The following CDH23 variants were observed in gnomAD, a reference collection of about 807,000 sequenced individuals.
CDH23 encodes the protein cadherin-23.
CDH23 carries 189 observed loss-of-function variants against 317.1 expected under a neutral mutation model. That is an observed-to-expected ratio of 0.60 (90% CI 0.53 to 0.67). The LOEUF is 0.67. CDH23 is among the 30% of genes least tolerant of loss of function. The pLI, the probability that CDH23 is intolerant of heterozygous loss-of-function variation, is 0.00. For missense variants in CDH23, 4,401 were observed against 4,592.4 expected (o/e 0.96, Z 1.20); for synonymous variants, 1,839 against 1,876.8 (o/e 0.98, Z 0.52).
chr10:71,725,534 C>A lies in CDH23; in HGVS notation c.3579+14C>A. ...AGCTCCGTCAGGGTGAGGCTAGGGG[C>A]GGGCTGGGGTGCTGACCTCAGGACG... On this transcript the variant is annotated intron_variant, in intron 30 of 69. Coordinates refer to ENST00000224721, the MANE Select transcript of CDH23 (RefSeq NM_022124.6). The A allele has an allele frequency of 6.2e-7, 1 of 1,609,378 alleles. No homozygotes were observed. Among genetic ancestry groups the A allele is most frequent in the Non-Finnish European group, 8.5e-7 (1 of 1,177,564 alleles).
intron 38 of CDH23, chr10:71,760,815 TG>T: frequency 6.4e-7 from 1 of 1,553,756 alleles, no homozygotes; most frequent in Admixed American, 1.7e-5. Flanking sequence ...GGGTGCAGGA[TG>T]AGGACAGAAG....
At chr10:71,650,971 T>C (rs945035875) in intron 14 of CDH23, among the ~76,000 whole-genome samples, 2 of 152,220 alleles carry the variant, frequency 1.3e-5, no homozygotes, top group African/African-American at 4.8e-5. Context: ...AAACGTTTGG[T>C]GAATACCTGC....
intron 6 of CDH23, among the ~76,000 whole-genome samples, chr10:71,516,610 G>T (rs956943532): frequency 2.8e-4 from 43 of 152,176 alleles, no homozygotes; most frequent in Non-Finnish European, 3.7e-4. Flanking sequence ...TTTCCTGTGT[G>T]CCCAACACTG....
chr10:71,400,755 T>C (rs1847742010), intron 1 of CDH23, among the ~76,000 whole-genome samples: 1 of 152,288 alleles, frequency 6.6e-6, no homozygotes, highest in South Asian at 2.1e-4. Context: ...GCCGAGATCA[T>C]GCCACTGCAT....
At chr10:71,551,711 A>G (rs964037278) in intron 6 of CDH23, among the ~76,000 whole-genome samples, 1 of 152,142 alleles carries the variant, frequency 6.6e-6, no homozygotes, top group African/African-American at 2.4e-5. Flanking sequence ...TGAGAAGACT[A>G]TCAGACTGAC....
At chr10:71,687,623 G>A in intron 18 of CDH23, 24 bp from the exon 19 acceptor site, 1 of 1,612,712 alleles carries the variant, frequency 6.2e-7, no homozygotes, top group Non-Finnish European at 8.5e-7. Flanking sequence ...GCAGCCTCCT[G>A]CAACCTGTCT....
At chr10:71,718,046 A>T (rs1745374451) in intron 28 of CDH23, 1 of 152,254 alleles carries the variant, frequency 6.6e-6, no homozygotes, top group African/African-American at 2.4e-5. Context: ...GGGGTCTGAT[A>T]AAAAGTCATG....
At chr10:71,644,245 G>A (rs967907797) in intron 12 of CDH23, among the ~76,000 whole-genome samples, 1 of 152,352 alleles carries the variant, frequency 6.6e-6, no homozygotes, top group South Asian at 2.1e-4. Context: ...CTGGACCCCA[G>A]AATTGGCAAG....
chr10:71,537,982 A>G (rs2132279364), intron 6 of CDH23, among the ~76,000 whole-genome samples: 1 of 152,314 alleles, frequency 6.6e-6, no homozygotes, highest in Admixed American at 6.5e-5. Flanking sequence ...CCCTGCACAG[A>G]GTAAAGCTGT....
intron 3 of CDH23, among the ~76,000 whole-genome samples, chr10:71,476,481 G>C (rs753269957): frequency 3.3e-5 from 5 of 152,182 alleles, no homozygotes; most frequent in Non-Finnish European, 7.3e-5. Context: ...TGTGTCCCCA[G>C]CTCCAATTTG....
At chr10:71,788,861 C>T in intron 44 of CDH23, 79 bp from the exon 45 acceptor site, 1 of 761,960 alleles carries the variant, frequency 1.3e-6, no homozygotes, top group Non-Finnish European at 2.4e-6. Context: ...CAATCCCCAA[C>T]CTCCCAACCC....
intron 53 of CDH23, among the ~76,000 whole-genome samples, chr10:71,801,288 G>A (rs1841552889): frequency 6.6e-6 from 1 of 151,388 alleles, no homozygotes; most frequent in African/African-American, 2.4e-5. Context: ...CCAAGTAGCT[G>A]GGATTACAGG....
At position 71,811,398 on chromosome 10, in the gene CDH23, T is replaced by C. The variant is rs1339152454; in HGVS notation, c.9161T>C (p.Ile3054Thr). 6.2e-7 allele frequency: 1 copy of C among 1,613,844 alleles called. No individual in the cohort carries two copies. Among genetic ancestry groups the C allele is most frequent in the Non-Finnish European group, 8.5e-7 (1 of 1,179,894 alleles). Residue 3054 changes from isoleucine (I) to threonine (T), a missense_variant, in exon 63 of 70, where the codon ATC (isoleucine) becomes ACC (threonine). Around this residue, in one of 3 missense-constraint regions of CDH23, gnomAD observed 1,144 missense variants for 1,138.2 expected, o/e 1.01. Transcript: ENST00000224721. ...NYNVLDVQPA[I>T]SVRLPDDMSA... The stretch of plus-strand genomic sequence containing the variant: ...AACGTCCTGGACGTGCAGCCTGCCA[T>C]CTCTGTCCGGCTGCCGGATGACATG...
chr10:71,402,275 C>T (rs774762768), intron 1 of CDH23, among the ~76,000 whole-genome samples: 1 of 152,210 alleles, frequency 6.6e-6, no homozygotes, highest in African/African-American at 2.4e-5. Context: ...AGTGACACAG[C>T]AGGTTCAGTT....
At chr10:71,413,233 C>T (rs1848409685) in intron 1 of CDH23, among the ~76,000 whole-genome samples, 1 of 152,150 alleles carries the variant, frequency 6.6e-6, no homozygotes, top group Non-Finnish European at 1.5e-5. Flanking sequence ...GTTGAAAAAA[C>T]TGTCCTTTCC....
intron 6 of CDH23, 86 bp downstream of exon 6, chr10:71,511,298 G>T: frequency 1.6e-6 from 2 of 1,239,408 alleles, no homozygotes; most frequent in Non-Finnish European, 2.4e-6. Flanking sequence ...GTCAGGTGGG[G>T]AGAGCAGCTG....
intron 6 of CDH23, among the ~76,000 whole-genome samples, chr10:71,518,071 A>G (rs1298111577): frequency 1.0e-4 from 15 of 150,550 alleles, no homozygotes; most frequent in South Asian, 2.1e-4. Flanking sequence ...GTGTGTGTGT[A>G]TGTGTGTGTG....
At chr10:71,531,287 G>A (rs765105488) in intron 6 of CDH23, among the ~76,000 whole-genome samples, 14 of 152,104 alleles carry the variant, frequency 9.2e-5, no homozygotes, top group Admixed American at 2.0e-4. Context: ...CCCCAGCTGC[G>A]GACCCTTGGG....
At chr10:71,692,360 C>T (rs148952431) in intron 20 of CDH23, among the ~76,000 whole-genome samples, 1 of 152,170 alleles carries the variant, frequency 6.6e-6, no homozygotes, top group Non-Finnish European at 1.5e-5. Flanking sequence ...GCTGCCTTAA[C>T]ACGACTTTGT....
Sources: allele counts gnomAD v4.1 joint callset (sites outside exome capture counted in the v4.1 genomes callset), GRCh38; gene constraint gnomAD v4.1.1; regional missense constraint gnomAD v4.1.1; transcripts MANE v1.5; gene names NCBI Gene and HGNC (gene_info 2026-07-23, HGNC 2026-07-21).